Variants in VPS13B observed in about 807,000 individuals in gnomAD.
VPS13B encodes vacuolar protein sorting 13 homolog B.
VPS13B carries 285 observed loss-of-function variants against 426.4 expected under a neutral mutation model. That is an observed-to-expected ratio of 0.67 (90% confidence interval 0.61 to 0.74). The LOEUF is 0.74. VPS13B is among the 30% of genes least tolerant of loss of function. VPS13B has a pLI of 0.00. For missense variants in VPS13B, 4,537 were observed against 4,782.6 expected, an observed-to-expected ratio of 0.95 and a Z score of 1.51; for synonymous variants, 1,676 against 1,676.4, an observed-to-expected ratio of 1.00 and a Z score of 0.01.
chr8:99,412,735 G>A (rs1284816585), intron 21 of VPS13B, among the ~76,000 whole-genome samples: 1 of 152,126 alleles, frequency 6.6e-6, no homozygotes, highest in African/African-American at 2.4e-5. Flanking sequence ...ATTATTTTGA[G>A]ATACATTCCA....
At chr8:99,025,328 A>G (rs1171521901) in intron 2 of VPS13B, among the ~76,000 whole-genome samples, 1 of 152,182 alleles carries the variant, frequency 6.6e-6, no homozygotes, top group Non-Finnish European at 1.5e-5. Flanking sequence ...ACTATGTTGA[A>G]TAAGGGTGGT....
chr8:99,546,480 G>T (rs1028528661), intron 30 of VPS13B, among the ~76,000 whole-genome samples: 1 of 151,952 alleles, frequency 6.6e-6, no homozygotes, highest in African/African-American at 2.4e-5. Flanking sequence ...TAGTCAGAAG[G>T]TGTGGTTTCC....
chr8:99,398,257 A>T (rs1315421986), intron 21 of VPS13B, among the ~76,000 whole-genome samples: 1 of 152,206 alleles, frequency 6.6e-6, no homozygotes, highest in Admixed American at 6.5e-5. Flanking sequence ...GCAAAATTAC[A>T]TTCAAAGGAA....
At chr8:99,313,305 A>C (rs1176394787) in intron 19 of VPS13B, among the ~76,000 whole-genome samples, 1 of 151,946 alleles carries the variant, frequency 6.6e-6, no homozygotes, top group Non-Finnish European at 1.5e-5. Flanking sequence ...GGTTTTATCT[A>C]CCTTTGGTCT....
rs369223072 is a variant in VPS13B, at chr8:99,778,671, T to C, written c.7430-11T>C. 74 of 1,612,574 alleles carry C rather than the reference T, an allele frequency of 4.6e-5. No homozygotes were observed. The African/African-American group carries it at 9.1e-4, about 20-fold the overall frequency. On this transcript the variant is annotated splice_polypyrimidine_tract_variant and intron_variant, in intron 41 of 61. Transcript: ENST00000357162. ...CTTAATTGCTGTTTTCCTTGTTTGT[T>C]TTCTCAACAGCTGCACCACAGTACC...
At chr8:99,410,154 TA>T (rs1219852391) in intron 21 of VPS13B, among the ~76,000 whole-genome samples, 2 of 152,162 alleles carry the variant, frequency 1.3e-5, no homozygotes, top group Non-Finnish European at 2.9e-5. Context: ...TTGTTAAAAA[TA>T]AAAAGAACTT....
intron 30 of VPS13B, among the ~76,000 whole-genome samples, chr8:99,546,201 T>C (rs145701732): frequency 1.4e-4 from 21 of 152,134 alleles, no homozygotes; most frequent in African/African-American, 4.8e-4. Flanking sequence ...CCATGTTAAA[T>C]AATGTGACAA....
intron 24 of VPS13B, among the ~76,000 whole-genome samples, chr8:99,478,637 C>T (rs1171829814): frequency 1.3e-5 from 2 of 151,208 alleles, no homozygotes; most frequent in Non-Finnish European, 3.0e-5. Flanking sequence ...TTAGTACAGA[C>T]GGCGTTTCAC....
chr8:99,018,371 G>A (rs1027195405), intron 2 of VPS13B, among the ~76,000 whole-genome samples: 1 of 152,344 alleles, frequency 6.6e-6, no homozygotes, highest in South Asian at 2.1e-4. Context: ...GGGCGACAGA[G>A]TGAGACTCTG....
chr8:99,019,824 T>C (rs1841800117), intron 2 of VPS13B, among the ~76,000 whole-genome samples: 1 of 152,260 alleles, frequency 6.6e-6, no homozygotes, highest in African/African-American at 2.4e-5. Context: ...CTATGTCCTT[T>C]GTTTTTATGT....
chr8:99,568,290 A>ATTT (rs1473330895), intron 31 of VPS13B, among the ~76,000 whole-genome samples: 1 of 109,840 alleles, frequency 9.1e-6, no homozygotes, highest in Non-Finnish European at 2.0e-5. Context: ...TATTATTATT[A>ATTT]TTATTATTAT....
rs762874991 is a variant in VPS13B at position 99,861,795 on chromosome 8, C to T, written c.11064C>T (p.Thr3688=). The T allele has an allele frequency of 6.3e-7, 1 of 1,596,094 alleles. No homozygotes were observed. Among genetic ancestry groups the T allele is most frequent in the East Asian group, 2.3e-5 (1 of 44,298 alleles). Residue 3688 remains threonine, a synonymous_variant, in exon 58 of 62, where the codon ACC becomes ACT. Coordinates refer to ENST00000357162, the MANE Select transcript of VPS13B (RefSeq NM_152564.5). ...CCTCAGGTACCCTCACATCCATCAC[C>T]AACCTCGCCACAAGCCTGGCCCGGA... The part of the protein sequence containing the change: ...HISKGTLTSI[T]NLATSLARNM...
chr8:99,581,703 TA>T (rs895269570), intron 33 of VPS13B, among the ~76,000 whole-genome samples: 1 of 152,180 alleles, frequency 6.6e-6, no homozygotes, highest in Non-Finnish European at 1.5e-5. Context: ...ACGTTAATAC[TA>T]AAAAAATTTC....
intron 33 of VPS13B, among the ~76,000 whole-genome samples, chr8:99,595,066 C>G (rs1214414511): frequency 6.6e-6 from 1 of 151,954 alleles, no homozygotes; most frequent in African/African-American, 2.4e-5. Context: ...CAGTGTTTCT[C>G]TTCATAAGCT....
intron 21 of VPS13B, among the ~76,000 whole-genome samples, chr8:99,422,481 C>T (rs1296325800): frequency 6.6e-6 from 1 of 152,038 alleles, no homozygotes; most frequent in African/African-American, 2.4e-5. Context: ...TAATATTTTT[C>T]ATCGGTAGGT....
intron 27 of VPS13B, among the ~76,000 whole-genome samples, chr8:99,504,075 G>A (rs1043238003): frequency 3.9e-5 from 6 of 152,172 alleles, no homozygotes; most frequent in African/African-American, 1.4e-4. Flanking sequence ...TCATAGGGGA[G>A]GATCTCTCAT....
intron 24 of VPS13B, among the ~76,000 whole-genome samples, chr8:99,473,361 A>G (rs1819514713): frequency 6.6e-6 from 1 of 152,114 alleles, no homozygotes; most frequent in Non-Finnish European, 1.5e-5. Flanking sequence ...TTGGTTTAAC[A>G]TTCAAAAATC....
At chr8:99,106,906 A>G (rs1045744888) in intron 5 of VPS13B, among the ~76,000 whole-genome samples, 1 of 152,136 alleles carries the variant, frequency 6.6e-6, no homozygotes. Flanking sequence ...TGTGAATAAA[A>G]CATTTTTTTG....
intron 19 of VPS13B, among the ~76,000 whole-genome samples, chr8:99,307,530 T>A (rs1820707126): frequency 6.6e-6 from 1 of 152,048 alleles, no homozygotes; most frequent in Non-Finnish European, 1.5e-5. Flanking sequence ...AGATACTGAG[T>A]CCCTTTTGGT....
Sources: allele counts gnomAD v4.1 joint callset (sites outside exome capture counted in the v4.1 genomes callset), GRCh38; gene constraint gnomAD v4.1.1; transcripts MANE v1.5; gene names NCBI Gene and HGNC (gene_info 2026-07-23, HGNC 2026-07-21).